The following XXYLT1 variants were observed in gnomAD, a reference collection of about 807,000 sequenced individuals.
XXYLT1 encodes xyloside xylosyltransferase 1.
A neutral mutation model predicts 28.9 loss-of-function variants in XXYLT1; 20 were observed. The observed-to-expected ratio is 0.69, with a 90% CI of 0.49 to 1.00. The LOEUF is 1.00. Among genes scored for constraint, XXYLT1 ranks in the 50% least tolerant of loss-of-function variants. XXYLT1 has a pLI of 0.00. For missense variants in XXYLT1, 542 were observed against 560.1 expected (o/e 0.97, Z 0.33); for synonymous variants, 257 against 253.8 (o/e 1.01, Z -0.12).
At chr3:195,073,486 C>T (rs376606732) in intron 3 of XXYLT1, among the ~76,000 whole-genome samples, 4 of 152,310 alleles carry the variant, frequency 2.6e-5, no homozygotes, top group African/African-American at 4.8e-5. Flanking sequence ...ACCCCTCCCC[C>T]CCTCATGCCC....
At chr3:195,187,480 A>T (rs1722252700) in intron 2 of XXYLT1, among the ~76,000 whole-genome samples, 1 of 152,140 alleles carries the variant, frequency 6.6e-6, no homozygotes, top group African/African-American at 2.4e-5. Flanking sequence ...ATTCCAATTT[A>T]TCTGTATAGT....
intron 2 of XXYLT1, among the ~76,000 whole-genome samples, chr3:195,217,144 GT>G (rs1385341741): frequency 8.5e-6 from 1 of 117,754 alleles, no homozygotes; most frequent in Non-Finnish European, 1.6e-5. Context: ...AATAAATTAG[GT>G]ATTGATGGGA....
chr3:195,247,349 C>T (rs746834608), intron 1 of XXYLT1, among the ~76,000 whole-genome samples: 4 of 152,132 alleles, frequency 2.6e-5, no homozygotes, highest in African/African-American at 9.7e-5. Context: ...GTCCTTTTTT[C>T]GTGTGGGAAC....
At chr3:195,244,759 C>T (rs1297711861) in intron 1 of XXYLT1, among the ~76,000 whole-genome samples, 1 of 79,012 alleles carries the variant, frequency 1.3e-5, no homozygotes, top group Non-Finnish European at 2.2e-5. Context: ...AAGACTCTGT[C>T]TCAAAAAAAA....
chr3:195,144,135 C>G (rs1387272050), intron 3 of XXYLT1, among the ~76,000 whole-genome samples: 1 of 149,812 alleles, frequency 6.7e-6, no homozygotes, highest in Non-Finnish European at 1.5e-5. Flanking sequence ...CTTAAGTGAT[C>G]CACCTGCCTG....
chr3:195,147,549 G>A (rs767342559), intron 3 of XXYLT1, among the ~76,000 whole-genome samples: 3 of 152,170 alleles, frequency 2.0e-5, no homozygotes, highest in South Asian at 2.1e-4. Context: ...CAGCCTGGGC[G>A]ACAAGAAAGA....
At position 195,134,866 on chromosome 3, in the gene XXYLT1, T is replaced by TGCGC. The variant is rs1553808191; in HGVS notation, c.785+21582_785+21583insGCGC. Among the ~76,000 whole-genome samples, 66 of 93,574 alleles carry TGCGC rather than the reference T, an allele frequency of 7.1e-4. 1 individual carries two copies. The highest frequency in any genetic ancestry group is 2.8e-3 in the African/African-American group (61 of 21,940). The allele number at this position is 93,574 out of a possible 152,430, so 61.4% of individuals were successfully genotyped here. A position where few individuals can be genotyped will look rare whatever the true frequency, so the allele number is the denominator to read the frequency against. On this transcript the variant is annotated intron_variant, in intron 3 of 3. Transcript: ENST00000310380. ...GTGTGTGTGTGTGTGTGTGTGTGTG[T>TGCGC]GTGCGTGTGCGCGCGTGCGCGCACG... is the stretch of plus-strand genomic sequence containing the variant.
At chr3:195,107,308 T>C (rs1717155715) in intron 3 of XXYLT1, among the ~76,000 whole-genome samples, 1 of 150,982 alleles carries the variant, frequency 6.6e-6, no homozygotes, top group African/African-American at 2.4e-5. Context: ...ACCTCGCCTC[T>C]ACTAAAAATA....
At chr3:195,266,372 G>T (rs1007665056) in intron 1 of XXYLT1, among the ~76,000 whole-genome samples, 13 of 152,076 alleles carry the variant, frequency 8.5e-5, no homozygotes, top group Admixed American at 5.9e-4. Context: ...GTGGGTGCCT[G>T]TAGTCCAGCT....
chr3:195,233,412 A>G (rs1331288325), intron 1 of XXYLT1, among the ~76,000 whole-genome samples: 4 of 151,858 alleles, frequency 2.6e-5, no homozygotes, highest in Non-Finnish European at 5.9e-5. Flanking sequence ...CCATTTTGTT[A>G]TTTGTTTTCT....
At chr3:195,196,439 A>ACC (rs1033876573) in intron 2 of XXYLT1, among the ~76,000 whole-genome samples, 1 of 152,050 alleles carries the variant, frequency 6.6e-6, no homozygotes, top group Non-Finnish European at 1.5e-5. Flanking sequence ...TGGGCCAACA[A>ACC]CCCCGACATG....
At chr3:195,143,784 T>TTATA (rs3073320) in intron 3 of XXYLT1, among the ~76,000 whole-genome samples, 27,356 of 113,572 alleles carry the variant, frequency 0.24, 5,338 homozygotes, top group Admixed American at 0.34. Flanking sequence ...TGTTCTCTCA[T>TTATA]TATATATATA....
intron 1 of XXYLT1, among the ~76,000 whole-genome samples, chr3:195,267,642 T>C (rs1725885428): frequency 6.6e-6 from 1 of 152,006 alleles, no homozygotes; most frequent in African/African-American, 2.4e-5. Flanking sequence ...GAGTTTAGAG[T>C]CTAGCAAGGA....
rs538466844 is a variant in XXYLT1, at chr3:195,075,838, T to C, written c.786-5727A>G. Among the ~76,000 whole-genome samples, 6 of 152,238 alleles carry C rather than the reference T, an allele frequency of 3.9e-5. No homozygotes were observed. In the South Asian group the frequency reaches 1.2e-3, roughly 32 times the overall value. On this transcript the variant is annotated intron_variant, in intron 3 of 3. Coordinates refer to ENST00000310380, the MANE Select transcript of XXYLT1 (RefSeq NM_152531.5). Reference sequence around the variant, plus strand: ...GCCAAACCACAACATCCCCAGAACTTGGAAGGGGCAAGCGAGGTCGAGGCG... The same window carrying C: ...GCCAAACCACAACATCCCCAGAACTCGGAAGGGGCAAGCGAGGTCGAGGCG...
chr3:195,080,079 TGGCACAACCGTTCAGAAAGGCAGG>T (rs929656615), intron 3 of XXYLT1, among the ~76,000 whole-genome samples: 2 of 152,028 alleles, frequency 1.3e-5, no homozygotes, highest in African/African-American at 4.8e-5. Context: ...ATGAAGGCAG[TGGCACAACCGTTCAGAAAGGCAGG>T]GGCGGGAGGA....
chr3:195,171,495 A>G (rs1208697411), intron 2 of XXYLT1, among the ~76,000 whole-genome samples: 8 of 152,254 alleles, frequency 5.3e-5, no homozygotes, highest in Non-Finnish European at 1.2e-4. Flanking sequence ...ACACGCCTGC[A>G]TGAACGAAAA....
chr3:195,241,603 G>A (rs1055628022), intron 1 of XXYLT1, among the ~76,000 whole-genome samples: 1 of 152,112 alleles, frequency 6.6e-6, no homozygotes, highest in Non-Finnish European at 1.5e-5. Flanking sequence ...AACGGACTAG[G>A]AGTCTTTCAT....
At chr3:195,086,279 C>T (rs1310894086) in intron 3 of XXYLT1, among the ~76,000 whole-genome samples, 3 of 152,218 alleles carry the variant, frequency 2.0e-5, no homozygotes, top group Admixed American at 6.5e-5. Flanking sequence ...AGATTCCTAT[C>T]GTGCTAGGTT....
intron 2 of XXYLT1, among the ~76,000 whole-genome samples, chr3:195,212,654 C>T (rs573632513): frequency 2.6e-5 from 4 of 152,186 alleles, no homozygotes; most frequent in South Asian, 2.1e-4. Flanking sequence ...ACTGCGCATG[C>T]GAGGGATCTA....
Sources: gnomAD v4.1 joint callset for allele counts (sites outside exome capture counted in the v4.1 genomes callset) on GRCh38, gnomAD v4.1.1 for gene constraint, MANE v1.5 for transcripts, NCBI Gene and HGNC (gene_info 2026-07-23, HGNC 2026-07-21) for gene names.